S100PBP: variants seen among roughly 807,000 people sequenced by gnomAD.
S100PBP encodes S100P-binding protein.
A neutral mutation model predicts 39.9 loss-of-function variants in S100PBP; 15 were observed. The observed-to-expected ratio is 0.38, with a 90% CI of 0.25 to 0.58. The LOEUF is 0.58. Ranked by LOEUF, S100PBP falls within the 20% of genes least tolerant of loss-of-function variation. The pLI is 0.70. For synonymous variants in S100PBP, 178 were observed against 180.3 expected, an observed-to-expected ratio of 0.99 and a Z score of 0.10; for missense variants, 504 against 487.3, an observed-to-expected ratio of 1.03 and a Z score of -0.32.
chr1:32,820,382 G>T (rs1273489666), intron 1 of S100PBP, among the ~76,000 whole-genome samples: 3 of 152,038 alleles, frequency 2.0e-5, no homozygotes, highest in African/African-American at 7.2e-5. Context: ...CTGACCTCAG[G>T]TGATCCACCC....
At chr1:32,817,292 T>C, upstream of S100PBP, 2 of 1,610,106 alleles carry the variant, frequency 1.2e-6, no homozygotes, top group Non-Finnish European at 1.7e-6. Context: ...CCAGAGCCCC[T>C]TCCTGGGTCA....
At chr1:32,852,034 A>G (rs940351072) in intron 5 of S100PBP, among the ~76,000 whole-genome samples, 3 of 152,170 alleles carry the variant, frequency 2.0e-5, no homozygotes, top group Non-Finnish European at 4.4e-5. Context: ...TGGGTCATCA[A>G]GAATTTCAGG....
chr1:32,817,440 T>C, upstream of S100PBP: 1 of 663,094 alleles, frequency 1.5e-6, no homozygotes, highest in Non-Finnish European at 2.6e-6. Flanking sequence ...GTCGAGCAGG[T>C]CGATGAGACG....
chr1:32,817,275 C>T (rs1638776538), upstream of S100PBP: 1 of 1,613,362 alleles, frequency 6.2e-7, no homozygotes, highest in African/African-American at 1.3e-5. Context: ...CCCCGCTCAG[C>T]CCGGCACCAG....
rs1639560933 is a variant in S100PBP, at chr1:32,830,778, G to A, written c.1024+711G>A. ...AGATCACTCCAGGCTAGGCATGGTG[G>A]CTCATGCCTGTAATCTCAGCACTTT... is the stretch of plus-strand genomic sequence containing the variant. On this transcript the variant is annotated intron_variant, in intron 5 of 6. Coordinates refer to ENST00000373475, the MANE Select transcript of S100PBP (RefSeq NM_022753.4). 2.0e-5 allele frequency among the ~76,000 whole-genome samples: 3 copies of A among 152,192 alleles called. No individual in the cohort carries two copies. In the South Asian group the frequency reaches 6.2e-4, roughly 32 times the overall value.
intron 5 of S100PBP, among the ~76,000 whole-genome samples, chr1:32,842,119 A>G (rs1227409128): frequency 6.9e-6 from 1 of 145,586 alleles, no homozygotes; most frequent in Non-Finnish European, 1.5e-5. Context: ...AGCCCAGAAG[A>G]GGGAGGTTGC....
At chr1:32,842,241 A>ACG (rs1382038981) in intron 5 of S100PBP, among the ~76,000 whole-genome samples, 20 of 68,102 alleles carry the variant, frequency 2.9e-4, no homozygotes, top group Non-Finnish European at 5.5e-4. Flanking sequence ...ATATATACAC[A>ACG]CACACACACA....
At chr1:32,837,565 CA>C (rs1278688029) in intron 5 of S100PBP, among the ~76,000 whole-genome samples, 18,291 of 82,044 alleles carry the variant, frequency 0.22, 1,350 homozygotes, top group African/African-American at 0.31. Context: ...AACTCCGTCT[CA>C]AAAAAAAAAA....
intron 5 of S100PBP, among the ~76,000 whole-genome samples, chr1:32,842,204 C>CAT (rs71006373): frequency 3.2e-3 from 180 of 56,216 alleles, no homozygotes; most frequent in African/African-American, 7.7e-3. Flanking sequence ...AAAAAAAAAA[C>CAT]ATATATATAT....
intron 5 of S100PBP, among the ~76,000 whole-genome samples, chr1:32,849,702 CATATGGCT>C (rs1450218146): frequency 7.2e-5 from 11 of 152,300 alleles, no homozygotes; most frequent in African/African-American, 2.6e-4. Context: ...TTACAAGAGA[CATATGGCT>C]ATATGATTTT....
chr1:32,839,380 A>T (rs767473345), intron 5 of S100PBP, among the ~76,000 whole-genome samples: 1 of 152,236 alleles, frequency 6.6e-6, no homozygotes, highest in Non-Finnish European at 1.5e-5. Flanking sequence ...CCATTTATAT[A>T]TCAATGGACA....
At position 32,858,475 on chromosome 1, in the gene S100PBP, T is replaced by G. The variant is rs1640898286; in HGVS notation, c.*2437T>G. 6.6e-6 allele frequency: 1 copy of G among 152,658 alleles called. No individual in the cohort carries two copies. Among genetic ancestry groups the G allele is most frequent in the African/African-American group, 2.4e-5 (1 of 41,468 alleles). The allele number at this position is 152,658 out of a possible 1,614,324, so 9.5% of individuals were successfully genotyped here. A position where few individuals can be genotyped will look rare whatever the true frequency, so the allele number is the denominator to read the frequency against. On this transcript the variant is annotated 3_prime_UTR_variant, in exon 7 of 7. Transcript: ENST00000373475. ...AAACTCATTATCTGGCATGTTCGCC[T>G]TAAAGATGGTACTGGGTAGAATCTG...
At chr1:32,824,304 C>T (rs1266923634) in intron 1 of S100PBP, among the ~76,000 whole-genome samples, 1 of 151,798 alleles carries the variant, frequency 6.6e-6, no homozygotes, top group East Asian at 1.9e-4. Flanking sequence ...AACAAGGCTA[C>T]AAGTACTTTT....
At chr1:32,823,769 T>C (rs1639189716) in intron 1 of S100PBP, among the ~76,000 whole-genome samples, 1 of 152,220 alleles carries the variant, frequency 6.6e-6, no homozygotes, top group South Asian at 2.1e-4. Flanking sequence ...CTAGCAAGAT[T>C]ATACATTAAG....
intron 3 of S100PBP, among the ~76,000 whole-genome samples, chr1:32,827,669 C>T (rs901113393): frequency 2.6e-5 from 4 of 151,954 alleles, no homozygotes; most frequent in East Asian, 1.9e-4. Context: ...TTAGTGGAGA[C>T]GGTGTTTCAC....
intron 5 of S100PBP, among the ~76,000 whole-genome samples, chr1:32,838,867 T>C (rs944498354): frequency 6.6e-6 from 1 of 151,790 alleles, no homozygotes; most frequent in African/African-American, 2.4e-5. Context: ...AAGTTGTAAG[T>C]GTACATTTCA....
At chr1:32,817,172 A>G (rs897251122), upstream of S100PBP, 5 of 1,613,972 alleles carry the variant, frequency 3.1e-6, no homozygotes, top group Non-Finnish European at 4.2e-6. Context: ...GCGCATTTCC[A>G]ACCCCCAGGC....
chr1:32,817,038 C>T (rs1176892053), upstream of S100PBP: 3 of 985,938 alleles, frequency 3.0e-6, no homozygotes, highest in African/African-American at 1.6e-5. Flanking sequence ...ATTGACTGAC[C>T]GACCAGCAGT....
intron 1 of S100PBP, among the ~76,000 whole-genome samples, chr1:32,821,710 C>T (rs888424693): frequency 2.0e-5 from 3 of 151,638 alleles, no homozygotes; most frequent in Non-Finnish European, 4.4e-5. Context: ...TCTCTGCCCA[C>T]TGCAACCTCC....
Sources: allele counts gnomAD v4.1 joint callset (sites outside exome capture counted in the v4.1 genomes callset), GRCh38; gene constraint gnomAD v4.1.1; transcripts MANE v1.5; gene names NCBI Gene and HGNC (gene_info 2026-07-23, HGNC 2026-07-21).